The following PLCB1 variants were observed in gnomAD, a reference collection of about 807,000 sequenced individuals.
The protein encoded by PLCB1 is 1-phosphatidylinositol 4,5-bisphosphate phosphodiesterase beta-1.
A neutral mutation model predicts 161.8 loss-of-function variants in PLCB1; 46 were observed. The ratio of observed to expected loss-of-function variants is 0.28; its 90% CI spans 0.22 to 0.36. PLCB1 has a LOEUF of 0.36. Ranked by LOEUF, PLCB1 falls within the 10% of genes least tolerant of loss-of-function variation. The pLI, the probability that PLCB1 is intolerant of heterozygous loss-of-function variation, is 1.00. For missense variants in PLCB1, 1,016 were observed against 1,472.5 expected (o/e 0.69, Z 5.07); for synonymous variants, 517 against 503.7 (o/e 1.03, Z -0.35).
intron 31 of PLCB1, among the ~76,000 whole-genome samples, chr20:8,796,901 T>A (rs1984053279): frequency 6.6e-6 from 1 of 152,254 alleles, no homozygotes; most frequent in African/African-American, 2.4e-5. Context: ...GAAACGTTTT[T>A]TCTTGTATCT....
intron 3 of PLCB1, among the ~76,000 whole-genome samples, chr20:8,494,117 G>A (rs2122785550): frequency 6.6e-6 from 1 of 150,412 alleles, no homozygotes; most frequent in Non-Finnish European, 1.5e-5. Flanking sequence ...GTGAACCTCA[G>A]GTAGCAGTCC....
chr20:8,307,512 C>G (rs1984187051), intron 2 of PLCB1, among the ~76,000 whole-genome samples: 1 of 151,970 alleles, frequency 6.6e-6, no homozygotes, highest in Non-Finnish European at 1.5e-5. Flanking sequence ...ACTTTTTGTG[C>G]TTTTGGTTTG....
intron 3 of PLCB1, among the ~76,000 whole-genome samples, chr20:8,480,283 A>G (rs1982446285): frequency 7.1e-6 from 1 of 140,528 alleles, no homozygotes; most frequent in African/African-American, 2.7e-5. Flanking sequence ...GATTAAGCTC[A>G]TATCCACCAC....
chr20:8,379,553 T>C (rs1467396409), intron 3 of PLCB1, among the ~76,000 whole-genome samples: 1 of 152,210 alleles, frequency 6.6e-6, no homozygotes, highest in Non-Finnish European at 1.5e-5. Context: ...GTTGATCCAA[T>C]TTACATTCCC....
intron 3 of PLCB1, among the ~76,000 whole-genome samples, chr20:8,505,167 ATAGTTCT>A (rs1983586794): frequency 6.6e-6 from 1 of 152,188 alleles, no homozygotes; most frequent in African/African-American, 2.4e-5. Flanking sequence ...ACCTAGCCAG[ATAGTTCT>A]TACTGTGACA....
Position 8,643,802 on chromosome 20 carries a change from G to A in PLCB1, c.385-2300G>A, listed in dbSNP as rs1393986804. 3.8e-5 allele frequency among the ~76,000 whole-genome samples: 4 copies of A among 105,478 alleles called. No individual in the cohort carries two copies. The East Asian group carries it at 8.9e-4, about 24-fold the overall frequency. 69.2% of individuals were successfully genotyped at this position (105,478 alleles called of 152,430 possible). ...CTTTCTCCCTCTCCCTCTCCCCATG[G>A]TCTCCCTCTCCCTCTCTTTCCACGG... On this transcript the variant is annotated intron_variant, in intron 4 of 31. Transcript: ENST00000338037.
intron 2 of PLCB1, among the ~76,000 whole-genome samples, chr20:8,221,363 A>T (rs1257895854): frequency 6.6e-6 from 1 of 151,900 alleles, no homozygotes; most frequent in Non-Finnish European, 1.5e-5. Flanking sequence ...GCTGATTTGC[A>T]TTCTAATTGC....
At position 8,605,753 on chromosome 20, in the gene PLCB1, A is replaced by G. The variant is rs151161121; in HGVS notation, c.247-22541A>G. Among the ~76,000 whole-genome samples the G allele has an allele frequency of 8.4e-3, 1,280 of 152,076 alleles. 9 individuals are homozygous for G. Among genetic ancestry groups the G allele is most frequent in the Non-Finnish European group, 0.014 (933 of 67,960 alleles). ...AGTGTACCCACCACCCAAAAAGTGA[A>G]TATCATATCCAATAGGTAATTTTTC... On this transcript the variant is annotated intron_variant, in intron 3 of 31. Transcript: ENST00000338037.
chr20:8,294,385 A>G (rs991313194), intron 2 of PLCB1, among the ~76,000 whole-genome samples: 4 of 152,032 alleles, frequency 2.6e-5, no homozygotes, highest in Non-Finnish European at 5.9e-5. Context: ...AAAATCTGAC[A>G]TTACCAAAAG....
At chr20:8,633,325 T>C (rs1156326546) in intron 4 of PLCB1, among the ~76,000 whole-genome samples, 1 of 152,188 alleles carries the variant, frequency 6.6e-6, no homozygotes, top group Admixed American at 6.5e-5. Flanking sequence ...TAGAAGTATA[T>C]AGCAGAAGTT....
At chr20:8,154,373 T>C (rs1447950344) in intron 2 of PLCB1, among the ~76,000 whole-genome samples, 1 of 152,164 alleles carries the variant, frequency 6.6e-6, no homozygotes. Flanking sequence ...GGTGGATTCT[T>C]GGTGTTTGTC....
intron 31 of PLCB1, chr20:8,792,877 T>C (rs1983831712): frequency 3.1e-6 from 1 of 323,110 alleles, no homozygotes; most frequent in Non-Finnish European, 6.1e-6. Context: ...CAAAATCAAG[T>C]GTGAGACATG....
intron 2 of PLCB1, among the ~76,000 whole-genome samples, chr20:8,361,773 A>G (rs577595480): frequency 6.6e-6 from 1 of 152,352 alleles, no homozygotes; most frequent in South Asian, 2.1e-4. Flanking sequence ...AGATGATTCA[A>G]AGGGGAAATC....
intron 2 of PLCB1, among the ~76,000 whole-genome samples, chr20:8,302,039 G>T (rs2745765): frequency 0.014 from 2,205 of 152,310 alleles, 58 homozygotes; most frequent in African/African-American, 0.049. Flanking sequence ...AAGAGTAAAA[G>T]TGTCAGTAAA....
At chr20:8,143,571 A>G (rs2051425010) in intron 1 of PLCB1, among the ~76,000 whole-genome samples, 1 of 152,238 alleles carries the variant, frequency 6.6e-6, no homozygotes, top group Non-Finnish European at 1.5e-5. Context: ...GAAGGAAAAA[A>G]AGTACAAGTG....
chr20:8,819,520 T>C (rs1369227366), intron 31 of PLCB1, among the ~76,000 whole-genome samples: 1 of 152,174 alleles, frequency 6.6e-6, no homozygotes, highest in African/African-American at 2.4e-5. Flanking sequence ...TTGGGCTAAA[T>C]TGAAGGTAAG....
chr20:8,323,020 C>A (rs1020233923), intron 2 of PLCB1, among the ~76,000 whole-genome samples: 1 of 152,124 alleles, frequency 6.6e-6, no homozygotes, highest in Admixed American at 6.6e-5. Context: ...CTGATGCAGC[C>A]CGATCTCCAG....
At chr20:8,403,131 A>G (rs1360940620) in intron 3 of PLCB1, among the ~76,000 whole-genome samples, 1 of 152,180 alleles carries the variant, frequency 6.6e-6, no homozygotes, top group Non-Finnish European at 1.5e-5. Context: ...TCTTATAGGA[A>G]AATCACTGTG....
intron 3 of PLCB1, among the ~76,000 whole-genome samples, chr20:8,606,895 T>A (rs2123159614): frequency 6.6e-6 from 1 of 152,316 alleles, no homozygotes; most frequent in East Asian, 1.9e-4. Flanking sequence ...TTCTTTTGGA[T>A]CAGTTTTGGT....
Sources: gnomAD v4.1 joint callset for allele counts (sites outside exome capture counted in the v4.1 genomes callset) on GRCh38, gnomAD v4.1.1 for gene constraint, MANE v1.5 for transcripts, NCBI Gene and HGNC (gene_info 2026-07-23, HGNC 2026-07-21) for gene names.